The following FER1L6 variants were observed in gnomAD, a reference collection of about 807,000 sequenced individuals.
FER1L6 encodes the protein fer-1 like family member 6.
In FER1L6, 177 loss-of-function variants were observed where a neutral mutation model predicts 219.2. The observed-to-expected ratio is 0.81, with a 90% confidence interval of 0.71 to 0.91. The LOEUF is 0.91. Among genes scored for constraint, FER1L6 ranks in the 40% least tolerant of loss-of-function variants. The pLI is 0.00. For synonymous variants in FER1L6, 768 were observed against 824.3 expected (o/e 0.93, Z 1.17); for missense variants, 2,153 against 2,259.9 (o/e 0.95, Z 0.96).
chr8:124,093,203 C>G (rs1412271954), intron 34 of FER1L6, among the ~76,000 whole-genome samples: 3 of 152,016 alleles, frequency 2.0e-5, no homozygotes, highest in African/African-American at 4.8e-5. Flanking sequence ...GCTAAACCAT[C>G]TGTGAGAAAC....
At chr8:124,095,714 G>A (rs561898095) in intron 35 of FER1L6, among the ~76,000 whole-genome samples, 3 of 152,312 alleles carry the variant, frequency 2.0e-5, no homozygotes, top group Admixed American at 6.5e-5. Context: ...CGCGGGCACT[G>A]TTAATAATCA....
chr8:124,016,462 C>G lies in FER1L6; in HGVS notation c.1923-1166C>G, dbSNP rs112097188. On this transcript the variant is annotated intron_variant, in intron 15 of 40. Coordinates refer to ENST00000522917, the MANE Select transcript of FER1L6 (RefSeq NM_001039112.2). ...TGCTCATCACTGAAATGATCATGCT[C>G]ATCATTAAAAAAAAATAAATATACC... is the stretch of plus-strand genomic sequence containing the variant. Among the ~76,000 whole-genome samples the G allele has an allele frequency of 3.6e-3, 552 of 151,482 alleles. 8 individuals carry two copies. Among genetic ancestry groups the G allele is most frequent in the African/African-American group, 0.013 (523 of 41,008 alleles).
chr8:124,031,511 G>A (rs1004312254), intron 18 of FER1L6, among the ~76,000 whole-genome samples: 1 of 152,136 alleles, frequency 6.6e-6, no homozygotes, highest in Non-Finnish European at 1.5e-5. Flanking sequence ...TCTGGAATGG[G>A]CTACAGTTAC....
intron 12 of FER1L6, among the ~76,000 whole-genome samples, chr8:123,990,550 C>A (rs1003515305): frequency 6.6e-6 from 1 of 152,174 alleles, no homozygotes; most frequent in South Asian, 2.1e-4. Context: ...CTATTTATGT[C>A]ATTTGCCAAC....
rs573990210 is a variant in FER1L6, at chr8:123,959,301, C to G, written c.76+3227C>G. Among the ~76,000 whole-genome samples the G allele has an allele frequency of 2.6e-5, 4 of 152,318 alleles. No individual in the cohort carries two copies. The East Asian group carries it at 7.7e-4, about 29-fold the overall frequency. ...AATTCCTGCATCCTCAGCATCTACT[C>G]TAGCACCTTTTCTTGCATATATAAC... On this transcript the variant is annotated intron_variant, in intron 2 of 40. Coordinates refer to ENST00000522917, the MANE Select transcript of FER1L6 (RefSeq NM_001039112.2).
At chr8:124,040,079 G>T in intron 20 of FER1L6, 73 bp downstream of exon 20, 1 of 1,591,170 alleles carries the variant, frequency 6.3e-7, no homozygotes, top group Non-Finnish European at 8.6e-7. Context: ...TCCCAGGAAA[G>T]AAACAACGGG....
intron 39 of FER1L6, among the ~76,000 whole-genome samples, chr8:124,110,859 T>C (rs1204211921): frequency 1.3e-5 from 2 of 152,144 alleles, no homozygotes; most frequent in African/African-American, 4.8e-5. Flanking sequence ...TTTAAACATA[T>C]TTATTTTTAA....
At chr8:124,108,174 A>C (rs1822856455) in intron 39 of FER1L6, among the ~76,000 whole-genome samples, 1 of 152,202 alleles carries the variant, frequency 6.6e-6, no homozygotes, top group Non-Finnish European at 1.5e-5. Context: ...ACCCTGGGCA[A>C]CACAGTGAGA....
At chr8:123,921,225 GTGGTAGTTCTATT>G (rs1242751602) in intron 1 of FER1L6, among the ~76,000 whole-genome samples, 2 of 152,108 alleles carry the variant, frequency 1.3e-5, no homozygotes, top group Non-Finnish European at 2.9e-5. Flanking sequence ...GCTGGGTCAC[GTGGTAGTTCTATT>G]TTTAATTTTT....
At chr8:124,073,177 G>A (rs1821149872) in intron 31 of FER1L6, among the ~76,000 whole-genome samples, 1 of 152,190 alleles carries the variant, frequency 6.6e-6, no homozygotes, top group South Asian at 2.1e-4. Context: ...TACAGAGATT[G>A]GAGAAAGATC....
At chr8:124,014,610 A>G (rs1818094497) in intron 15 of FER1L6, 1 of 152,550 alleles carries the variant, frequency 6.6e-6, no homozygotes, top group Non-Finnish European at 1.5e-5. Flanking sequence ...TCTGAGTCTT[A>G]TTTCTGAGGC....
intron 6 of FER1L6, among the ~76,000 whole-genome samples, chr8:123,971,699 C>G (rs916866584): frequency 1.3e-5 from 2 of 152,214 alleles, no homozygotes; most frequent in African/African-American, 4.8e-5. Context: ...AGTCCATGAA[C>G]TGAAAGTCAG....
chr8:124,106,035 C>CT (rs2131002195), intron 39 of FER1L6, among the ~76,000 whole-genome samples: 1 of 152,138 alleles, frequency 6.6e-6, no homozygotes, highest in African/African-American at 2.4e-5. Context: ...TATGGAGTTT[C>CT]TTTTTGGGGT....
chr8:123,997,028 A>G (rs1312944909), intron 12 of FER1L6, among the ~76,000 whole-genome samples: 1 of 152,176 alleles, frequency 6.6e-6, no homozygotes, highest in Non-Finnish European at 1.5e-5. Flanking sequence ...TACTAAAGAT[A>G]CAAGTAATTT....
At chr8:123,900,134 A>T (rs934882861) in intron 1 of FER1L6, among the ~76,000 whole-genome samples, 5 of 152,044 alleles carry the variant, frequency 3.3e-5, no homozygotes, top group African/African-American at 7.2e-5. Context: ...TGAGCATGAG[A>T]TGTGTTTCCA....
At chr8:123,978,972 T>G (rs905407366) in intron 10 of FER1L6, among the ~76,000 whole-genome samples, 4 of 152,210 alleles carry the variant, frequency 2.6e-5, no homozygotes, top group Non-Finnish European at 5.9e-5. Flanking sequence ...TTGATGGCAT[T>G]CAGGAAGATA....
intron 10 of FER1L6, among the ~76,000 whole-genome samples, chr8:123,980,005 G>A (rs1299156306): frequency 6.6e-6 from 1 of 152,148 alleles, no homozygotes; most frequent in East Asian, 1.9e-4. Context: ...TTCTCTGCCT[G>A]CCTAACTCCC....
intron 1 of FER1L6, among the ~76,000 whole-genome samples, chr8:123,932,164 A>G (rs1813794783): frequency 6.6e-6 from 1 of 152,128 alleles, no homozygotes; most frequent in Non-Finnish European, 1.5e-5. Context: ...GCTGGAGTGC[A>G]GTGGCGTGAT....
chr8:123,898,186 AT>A (rs1362078500), intron 1 of FER1L6, among the ~76,000 whole-genome samples: 1 of 152,172 alleles, frequency 6.6e-6, no homozygotes, highest in East Asian at 1.9e-4. Context: ...CTTGTAAAAT[AT>A]TCAAAACTAT....
Sources: allele counts gnomAD v4.1 joint callset (sites outside exome capture counted in the v4.1 genomes callset), GRCh38; gene constraint gnomAD v4.1.1; transcripts MANE v1.5; gene names NCBI Gene and HGNC (gene_info 2026-07-23, HGNC 2026-07-21).